Variants in FBXO33 observed in about 807,000 individuals in gnomAD.
The protein encoded by FBXO33 is F-box only protein 33.
Under a neutral mutation model 46.3 loss-of-function variants are expected in FBXO33, and 22 were observed. That is an observed-to-expected ratio of 0.48 (90% CI 0.34 to 0.68). The LOEUF (loss-of-function observed/expected upper bound fraction) is 0.68, where lower values mean the gene tolerates loss of function less well. Among genes scored for constraint, FBXO33 ranks in the 30% least tolerant of loss-of-function variants. The pLI, the probability that FBXO33 is intolerant of heterozygous loss-of-function variation, is 0.01. For missense variants in FBXO33, 692 were observed against 708.8 expected (o/e 0.98, Z 0.27); for synonymous variants, 337 against 291.3 (o/e 1.16, Z -1.60).
intron 1 of FBXO33, among the ~76,000 whole-genome samples, chr14:39,404,186 C>A (rs1051575636): frequency 6.6e-6 from 1 of 152,104 alleles, no homozygotes; most frequent in African/African-American, 2.4e-5. Context: ...TGAGGGCCTA[C>A]GAAGTACCAG....
chr14:39,410,603 A>T (rs2075417883), intron 1 of FBXO33, among the ~76,000 whole-genome samples: 2 of 152,204 alleles, frequency 1.3e-5, no homozygotes, highest in South Asian at 4.1e-4. Context: ...GACTGGCATT[A>T]ATTCTTCTTC....
At chr14:39,403,365 C>T (rs866153537) in intron 1 of FBXO33, among the ~76,000 whole-genome samples, 23 of 152,176 alleles carry the variant, frequency 1.5e-4, no homozygotes, top group African/African-American at 4.1e-4. Context: ...GAGACCAAGG[C>T]GGGGGGAATC....
intron 1 of FBXO33, among the ~76,000 whole-genome samples, chr14:39,404,603 G>C (rs893705125): frequency 1.3e-5 from 2 of 152,122 alleles, no homozygotes; most frequent in African/African-American, 4.8e-5. Context: ...TGGGATTACA[G>C]GCGTGAGCCA....
At chr14:39,423,542 C>T (rs564890072) in intron 1 of FBXO33, among the ~76,000 whole-genome samples, 9 of 150,148 alleles carry the variant, frequency 6.0e-5, no homozygotes, top group African/African-American at 2.3e-4. Context: ...TGTCCATCAG[C>T]AATAGAATAG....
At chr14:39,426,161 A>G (rs1229987990) in intron 1 of FBXO33, among the ~76,000 whole-genome samples, 1 of 151,698 alleles carries the variant, frequency 6.6e-6, no homozygotes, top group East Asian at 1.9e-4. Flanking sequence ...TTATTTTTTC[A>G]TATTTATTTT....
rs1181278320 is a variant in FBXO33, at chr14:39,401,701, G to C, written c.871C>G (p.Pro291Ala). ...EHLSLLDNNI[P>A]GNSTLITAVE... Reference sequence around the variant, plus strand: ...GCAGTAATAAGAGTGCTGTTACCAGGAATATTATTGTCCAGTAAACTGAGG... The same window carrying C: ...GCAGTAATAAGAGTGCTGTTACCAGCAATATTATTGTCCAGTAAACTGAGG... The change falls in exon 3 of 4, where the codon CCT becomes GCT. Residue 291 changes from proline (P) to alanine (A), a missense_variant. Coordinates refer to ENST00000298097, the MANE Select transcript of FBXO33 (RefSeq NM_203301.4). 6.2e-7 allele frequency: 1 copy of C among 1,614,164 alleles called. No homozygotes were observed. The highest frequency in any genetic ancestry group is 2.2e-5 in the East Asian group (1 of 44,884).
At chr14:39,419,035 G>T (rs2139415016) in intron 1 of FBXO33, among the ~76,000 whole-genome samples, 1 of 152,292 alleles carries the variant, frequency 6.6e-6, no homozygotes, top group South Asian at 2.1e-4. Flanking sequence ...TTTAAAGCCA[G>T]AAGATTTGTG....
chr14:39,407,943 C>T (rs752386485), intron 1 of FBXO33, among the ~76,000 whole-genome samples: 1 of 152,160 alleles, frequency 6.6e-6, no homozygotes, highest in Admixed American at 6.6e-5. Context: ...TACATCCTCA[C>T]AAATGTCTAT....
intron 1 of FBXO33, among the ~76,000 whole-genome samples, chr14:39,421,859 A>AT (rs2075486646): frequency 6.6e-6 from 1 of 152,076 alleles, no homozygotes; most frequent in African/African-American, 2.4e-5. Context: ...GGGGAAAAAT[A>AT]TTTTTAGATG....
At chr14:39,413,303 T>C (rs1050826212) in intron 1 of FBXO33, among the ~76,000 whole-genome samples, 1 of 152,234 alleles carries the variant, frequency 6.6e-6, no homozygotes, top group African/African-American at 2.4e-5. Flanking sequence ...TTCTCATGCA[T>C]TCCAGTTTTA....
chr14:39,417,072 G>T (rs2075452029), intron 1 of FBXO33, among the ~76,000 whole-genome samples: 1 of 152,156 alleles, frequency 6.6e-6, no homozygotes, highest in Non-Finnish European at 1.5e-5. Flanking sequence ...AATTGAGATG[G>T]AAACGAGCCC....
chr14:39,403,920 G>T (rs2075380614), intron 1 of FBXO33, among the ~76,000 whole-genome samples: 1 of 151,606 alleles, frequency 6.6e-6, no homozygotes, highest in South Asian at 2.1e-4. Context: ...TTCCAGCTCA[G>T]CCTCCTGAGT....
intron 3 of FBXO33, among the ~76,000 whole-genome samples, chr14:39,400,435 T>C (rs966772600): frequency 6.6e-6 from 1 of 152,220 alleles, no homozygotes; most frequent in Admixed American, 6.5e-5. Flanking sequence ...TAACCTGATA[T>C]GTCTTTAGCC....
chr14:39,422,614 T>C (rs1211302082), intron 1 of FBXO33, among the ~76,000 whole-genome samples: 1 of 152,260 alleles, frequency 6.6e-6, no homozygotes, highest in Non-Finnish European at 1.5e-5. Context: ...CTTTCCATGC[T>C]GTGTCTTTTT....
At position 39,401,263 on chromosome 14, in the gene FBXO33, A is replaced by C. The variant is rs1466307666; in HGVS notation, c.1309T>G (p.Phe437Val). 6.2e-7 allele frequency: 1 copy of C among 1,614,082 alleles called. No individual in the cohort carries two copies. Among genetic ancestry groups the C allele is most frequent in the Non-Finnish European group, 8.5e-7 (1 of 1,180,016 alleles). ...LMNDVIDTSG[F>V]PDLSDNRNED... is the part of the protein sequence containing the mutation. The stretch of plus-strand genomic sequence containing the variant: ...TTTCGGTTGTCACTAAGATCTGGAA[A>C]ACCAGATGTGTCAATCACATCATTC... The change falls in exon 3 of 4, where the codon TTT becomes GTT. Residue 437 changes from phenylalanine to valine, a missense_variant. Around this residue, in one of 3 missense-constraint regions of FBXO33, gnomAD observed 186 missense variants for 246.1 expected, o/e 0.76. Transcript: ENST00000298097.
At position 39,401,616 on chromosome 14, in the gene FBXO33, G is replaced by A. The variant is rs779068540; in HGVS notation, c.956C>T (p.Thr319Ile). ...HSLALDFCDF[T>I]AEMARVLTDS... Reference sequence around the variant, plus strand: ...AGTTAAGACTCTTGCCATCTCAGCTGTAAAGTCACAAAAATCCAAGGCAAG... The same window carrying A: ...AGTTAAGACTCTTGCCATCTCAGCTATAAAGTCACAAAAATCCAAGGCAAG... The change falls in exon 3 of 4, where the codon ACA becomes ATA. Residue 319 changes from threonine (T) to isoleucine (I), a missense_variant. Transcript: ENST00000298097. The A allele has an allele frequency of 6.2e-7, 1 of 1,614,064 alleles. No individual in the cohort carries two copies. Among genetic ancestry groups the A allele is most frequent in the East Asian group, 2.2e-5 (1 of 44,900 alleles).
chr14:39,404,865 T>C (rs192935533), intron 1 of FBXO33, among the ~76,000 whole-genome samples: 3 of 151,520 alleles, frequency 2.0e-5, no homozygotes, highest in Admixed American at 6.6e-5. Context: ...AAGAAAAGAA[T>C]AGGCTGGGCG....
intron 3 of FBXO33, among the ~76,000 whole-genome samples, chr14:39,400,869 G>A (rs796659732): frequency 1.4e-4 from 22 of 152,246 alleles, no homozygotes; most frequent in African/African-American, 5.1e-4. Flanking sequence ...TGTGATTAGA[G>A]GAAATATATC....
At chr14:39,406,476 T>C (rs2075399100) in intron 1 of FBXO33, among the ~76,000 whole-genome samples, 14 of 152,094 alleles carry the variant, frequency 9.2e-5, no homozygotes, top group Admixed American at 9.2e-4. Flanking sequence ...CATTGGACAA[T>C]AAGCAATATA....
Sources: allele counts gnomAD v4.1 joint callset (sites outside exome capture counted in the v4.1 genomes callset), GRCh38; gene constraint gnomAD v4.1.1; regional missense constraint gnomAD v4.1.1; transcripts MANE v1.5; gene names NCBI Gene and HGNC (gene_info 2026-07-23, HGNC 2026-07-21).